Variants in KSR2 observed in about 807,000 individuals in gnomAD.
KSR2 encodes the protein kinase suppressor of ras 2.
In KSR2, 25 loss-of-function variants were observed where a neutral mutation model predicts 107.8. That is an observed-to-expected ratio of 0.23 (90% CI 0.17 to 0.32). The LOEUF is 0.32. Ranked by LOEUF, KSR2 falls within the 10% of genes least tolerant of loss-of-function variation. The probability of loss-of-function intolerance (pLI) is 1.00; values close to 1 mark genes in which losing one functional copy is unlikely to be tolerated. For missense variants in KSR2, 887 were observed against 1,268.9 expected, an observed-to-expected ratio of 0.70 and a Z score of 4.57; for synonymous variants, 480 against 507.0, an observed-to-expected ratio of 0.95 and a Z score of 0.71.
intron 1 of KSR2, among the ~76,000 whole-genome samples, chr12:117,896,725 G>C (rs1894523298): frequency 6.6e-6 from 1 of 152,126 alleles, no homozygotes; most frequent in African/African-American, 2.4e-5. Context: ...CTCCCAAAGT[G>C]CTGGGATTAT....
rs35386887 is a variant in KSR2 at position 117,902,495 on chromosome 12, TAAA to T, written c.181-42067_181-42065del. On this transcript the variant is annotated intron_variant, in intron 1 of 19. Coordinates refer to ENST00000339824, the MANE Select transcript of KSR2 (RefSeq NM_173598.6). ...TGGGCGACAGAGTGAGACTCTGTCT[TAAA>T]AAAAAAAAAAAAAAAAAAAATGAGA... Among the ~76,000 whole-genome samples, 283 of 102,486 alleles carry T rather than the reference TAAA, an allele frequency of 2.8e-3. 1 individual carries two copies. Among genetic ancestry groups the T allele is most frequent in the African/African-American group, 9.2e-3 (247 of 26,816 alleles). 67.2% of individuals were successfully genotyped at this position (102,486 alleles called of 152,430 possible). A position where few individuals can be genotyped will look rare whatever the true frequency, so the allele number is the denominator to read the frequency against.
chr12:117,505,650 A>G (rs941635740), intron 14 of KSR2, among the ~76,000 whole-genome samples: 1 of 152,114 alleles, frequency 6.6e-6, no homozygotes, highest in African/African-American at 2.4e-5. Flanking sequence ...TCTTATCACA[A>G]TTACTCATCC....
intron 1 of KSR2, among the ~76,000 whole-genome samples, chr12:117,937,082 G>A (rs1262845819): frequency 6.6e-6 from 1 of 152,182 alleles, no homozygotes; most frequent in Non-Finnish European, 1.5e-5. Context: ...CAGACAACTA[G>A]GGGCAACCGG....
intron 1 of KSR2, among the ~76,000 whole-genome samples, chr12:117,868,618 T>G (rs776930496): frequency 9.2e-5 from 14 of 152,166 alleles, no homozygotes; most frequent in Non-Finnish European, 1.9e-4. Context: ...TTAAGTCATT[T>G]GCTCACAATC....
At chr12:117,936,515 T>G (rs989853402) in intron 1 of KSR2, among the ~76,000 whole-genome samples, 8 of 41,088 alleles carry the variant, frequency 1.9e-4, no homozygotes, top group South Asian at 7.0e-4. Flanking sequence ...TATTATTTTA[T>G]TATTATTATT....
chr12:117,865,354 C>T (rs1893435628), intron 1 of KSR2, among the ~76,000 whole-genome samples: 1 of 152,110 alleles, frequency 6.6e-6, no homozygotes, highest in Non-Finnish European at 1.5e-5. Flanking sequence ...ATCTGCAAAT[C>T]GGGCTTTTTA....
intron 4 of KSR2, among the ~76,000 whole-genome samples, chr12:117,686,543 C>G (rs1885580959): frequency 6.6e-6 from 1 of 152,052 alleles, no homozygotes; most frequent in African/African-American, 2.4e-5. Context: ...TCCCTAGGAC[C>G]TGGATTTGCT....
At chr12:117,828,495 T>C (rs775438100) in intron 3 of KSR2, among the ~76,000 whole-genome samples, 2 of 152,226 alleles carry the variant, frequency 1.3e-5, no homozygotes, top group Non-Finnish European at 2.9e-5. Flanking sequence ...TTATGTATTA[T>C]AACTCATTAC....
chr12:117,644,052 G>A (rs1015995948), intron 5 of KSR2, among the ~76,000 whole-genome samples: 1 of 152,196 alleles, frequency 6.6e-6, no homozygotes, highest in Non-Finnish European at 1.5e-5. Context: ...ATCCCAGGAA[G>A]CACAGTTGTG....
chr12:117,642,445 C>A (rs1388587582), intron 5 of KSR2, among the ~76,000 whole-genome samples: 1 of 152,122 alleles, frequency 6.6e-6, no homozygotes, highest in Non-Finnish European at 1.5e-5. Context: ...GATCCAGAGC[C>A]AACTTTGCAG....
intron 5 of KSR2, among the ~76,000 whole-genome samples, chr12:117,645,905 G>C (rs1487450211): frequency 7.0e-6 from 1 of 142,606 alleles, no homozygotes; most frequent in Non-Finnish European, 1.5e-5. Flanking sequence ...GTGTGTGTGT[G>C]TGTGTGTGTA....
At chr12:117,947,657 G>A (rs888991677) in intron 1 of KSR2, among the ~76,000 whole-genome samples, 1 of 151,972 alleles carries the variant, frequency 6.6e-6, no homozygotes, top group Admixed American at 6.6e-5. Context: ...AAAGTTCCTA[G>A]TACTTATAAG....
chr12:117,860,253 C>T, intron 2 of KSR2, 38 bp downstream of exon 2: 1 of 1,588,734 alleles, frequency 6.3e-7, no homozygotes, highest in Non-Finnish European at 8.6e-7. Context: ...AGCTGCTGGC[C>T]AGTAAGGGGC....
chr12:117,627,247 T>C (rs917812349), intron 5 of KSR2, among the ~76,000 whole-genome samples: 1 of 152,218 alleles, frequency 6.6e-6, no homozygotes, highest in Non-Finnish European at 1.5e-5. Flanking sequence ...GTCATTATGA[T>C]GTTCACTGGT....
In KSR2 at chr12:117,555,313, G is replaced by A. The variant is rs1371237462; in HGVS notation, c.1394-20C>T. 6.2e-7 allele frequency: 1 copy of A among 1,613,186 alleles called. No homozygotes were observed. Among genetic ancestry groups the A allele is most frequent in the East Asian group, 2.2e-5 (1 of 44,854 alleles). On this transcript the variant is annotated intron_variant, in intron 8 of 19. Coordinates refer to ENST00000339824, the MANE Select transcript of KSR2 (RefSeq NM_173598.6). ...CTGGATCCGTAGGGGTAAAAACATTGATTTGGGAGTTTAAGTATCACTTTG... is the reference window on the plus strand; with the variant it reads ...CTGGATCCGTAGGGGTAAAAACATTAATTTGGGAGTTTAAGTATCACTTTG...
At chr12:117,480,235 C>A (rs1443910917) in intron 16 of KSR2, among the ~76,000 whole-genome samples, 2 of 152,102 alleles carry the variant, frequency 1.3e-5, no homozygotes, top group African/African-American at 4.8e-5. Flanking sequence ...CATCTTTTTG[C>A]AAACACCCCT....
chr12:117,774,210 G>C (rs1468950891), intron 3 of KSR2, among the ~76,000 whole-genome samples: 1 of 152,142 alleles, frequency 6.6e-6, no homozygotes, highest in African/African-American at 2.4e-5. Flanking sequence ...AAGTCAAATA[G>C]GACATTCATT....
intron 4 of KSR2, among the ~76,000 whole-genome samples, chr12:117,740,036 G>A (rs1032442094): frequency 6.6e-6 from 1 of 151,782 alleles, no homozygotes. Context: ...TCACCCAACA[G>A]TATACACTGA....
intron 14 of KSR2, among the ~76,000 whole-genome samples, chr12:117,511,808 G>GA (rs1282291992): frequency 6.6e-6 from 1 of 152,122 alleles, no homozygotes; most frequent in Non-Finnish European, 1.5e-5. Flanking sequence ...GATCAGTTTG[G>GA]AAAACAATAC....
Sources: allele counts gnomAD v4.1 joint callset (sites outside exome capture counted in the v4.1 genomes callset), GRCh38; gene constraint gnomAD v4.1.1; transcripts MANE v1.5; gene names NCBI Gene and HGNC (gene_info 2026-07-23, HGNC 2026-07-21).